Variants in DNMT1 observed in about 807,000 individuals in gnomAD.
DNMT1 encodes the protein DNA methyltransferase 1, also known as DNA (cytosine-5)-methyltransferase 1.
In DNMT1, 24 loss-of-function variants were observed where a neutral mutation model predicts 205.3. The observed-to-expected ratio is 0.12, with a 90% confidence interval of 0.08 to 0.16. DNMT1 has a LOEUF of 0.16. DNMT1 is among the 10% of genes least tolerant of loss of function. DNMT1 has a pLI of 1.00. For synonymous variants in DNMT1, 817 were observed against 839.8 expected, an observed-to-expected ratio of 0.97 and a Z score of 0.47; for missense variants, 1,293 against 2,177.7, an observed-to-expected ratio of 0.59 and a Z score of 8.09.
At position 10,194,918 on chromosome 19, in the gene DNMT1, C is replaced by CGCGGCG. The variant is rs776657243; in HGVS notation, c.-25_-20dup. On this transcript the variant is annotated 5_prime_UTR_variant, in exon 1 of 41. Transcript: ENST00000359526. ...CCGGCATCTCGGAGGCTTCAGCAGACGCGGCGGCGGCAGCGCAGGCGCCCC... is the reference window on the plus strand; with the variant it reads ...CCGGCATCTCGGAGGCTTCAGCAGACGCGGCGGCGGCGGCGGCAGCGCAGGCGCCCC... 1.6e-5 allele frequency: 25 copies of CGCGGCG among 1,599,206 alleles called. No individual in the cohort carries two copies. The East Asian group carries it at 1.8e-4, about 12-fold the overall frequency.
chr19:10,141,654 C>T, intron 30 of DNMT1: 1 of 333,124 alleles, frequency 3.0e-6, no homozygotes, highest in South Asian at 3.1e-5. Context: ...GGCGCCTGGC[C>T]CAAGGGACCC....
Position 10,148,976 on chromosome 19 carries a change from C to G in DNMT1, c.2628G>C (p.Gly876=). ...ACCACAGCTGGTAGAAGTAGGTCTT[C>G]CCGTCGTCCCCCTCCAGCAGGGACT... ...DPESLLEGDD[G]KTYFYQLWYD... The change falls in exon 27 of 41, where the codon GGG becomes GGC. Residue 876 remains glycine (G), a synonymous_variant. Transcript: ENST00000359526. 6.2e-7 allele frequency: 1 copy of G among 1,614,170 alleles called. No individual in the cohort carries two copies. Among genetic ancestry groups the G allele is most frequent in the Non-Finnish European group, 8.5e-7 (1 of 1,180,034 alleles).
At chr19:10,160,239 C>T (rs2038540659) in intron 14 of DNMT1, 145 bp downstream of exon 14, 6 of 1,503,522 alleles carry the variant, frequency 4.0e-6, no homozygotes, top group South Asian at 1.2e-5. Flanking sequence ...TCCTGCCTGA[C>T]GCACCTTGGT....
At position 10,148,970 on chromosome 19, in the gene DNMT1, G is replaced by A. The variant is rs983707467; in HGVS notation, c.2634C>T (p.Thr878=). ...ESLLEGDDGK[T]YFYQLWYDQD... The stretch of plus-strand genomic sequence containing the variant: ...GATCATACCACAGCTGGTAGAAGTA[G>A]GTCTTCCCGTCGTCCCCCTCCAGCA... The change falls in exon 27 of 41, where the codon ACC becomes ACT. Residue 878 remains threonine (T), a synonymous_variant. Coordinates refer to ENST00000359526, the MANE Select transcript of DNMT1 (RefSeq NM_001130823.3). The A allele has an allele frequency of 3.1e-6, 5 of 1,614,134 alleles. No individual in the cohort carries two copies. The highest frequency in any genetic ancestry group is 2.2e-5 in the East Asian group (1 of 44,890).
chr19:10,182,773 G>T (rs1448499608), intron 1 of DNMT1, among the ~76,000 whole-genome samples: 2 of 150,452 alleles, frequency 1.3e-5, no homozygotes, highest in Non-Finnish European at 3.0e-5. Context: ...GGGTTCAAGT[G>T]ATTCTCTCAC....
chr19:10,156,416 G>T lies in DNMT1; in HGVS notation c.1374C>A (p.Ile458=). 1 of 1,612,104 alleles carries T rather than the reference G, an allele frequency of 6.2e-7. No individual in the cohort carries two copies. The highest frequency in any genetic ancestry group is 8.5e-7 in the Non-Finnish European group (1 of 1,178,734). Residue 458 remains isoleucine, a synonymous_variant, in exon 18 of 41, where the codon ATC becomes ATA. Transcript: ENST00000359526. This position sits in a 1 kb window ranked among gnomAD's most constrained non-coding sequence, Gnocchi z 4.2. ...ELFFSGSAKP[I]YDDDPSLEGG... ...CTTCAAGAGATGGGTCATCATCATA[G>T]ATTGGTTTTGCTGAACCAGAAAAGA...
intron 5 of DNMT1, 45 bp downstream of exon 5, chr19:10,180,142 C>A (rs1195437683): frequency 3.1e-6 from 2 of 637,668 alleles, no homozygotes; most frequent in Non-Finnish European, 5.5e-6. Flanking sequence ...GGTAAGACCC[C>A]ATCTCTACTA....
Position 10,134,204 on chromosome 19 carries a change from C to G in DNMT1, c.4864+13G>C, listed in dbSNP as rs1235830661. 13 of 1,614,018 alleles carry G rather than the reference C, an allele frequency of 8.1e-6. No homozygotes were observed. The highest frequency in any genetic ancestry group is 1.0e-5 in the Non-Finnish European group (12 of 1,179,998). ...GTCAGGCCCCAGAGGAAGCCTGGCC[C>G]ACCCCACCATACCTGAGGCACTCTC... On this transcript the variant is annotated intron_variant, in intron 40 of 40. Transcript: ENST00000359526.
At position 10,137,453 on chromosome 19, in the gene DNMT1, T is replaced by A. The variant is rs1258472627; in HGVS notation, c.4294-173A>T. Reference sequence around the variant, plus strand: ...TTGGCTCGAGGCCACGGCAGGGACCTGAGGCAGCGCAGGTGTAGGAGAGCG... The same window carrying A: ...TTGGCTCGAGGCCACGGCAGGGACCAGAGGCAGCGCAGGTGTAGGAGAGCG... On this transcript the variant is annotated intron_variant, in intron 36 of 40. Transcript: ENST00000359526. The surrounding 1 kb of genome is among the most constrained non-coding windows in gnomAD (Gnocchi z 6.4). The A allele has an allele frequency of 6.3e-6, 5 of 787,530 alleles. No homozygotes were observed. The highest frequency in any genetic ancestry group is 4.8e-5 in the Admixed American group (2 of 41,662). 48.8% of individuals were successfully genotyped at this position (787,530 alleles called of 1,614,324 possible).
chr19:10,141,710 GC>G, intron 30 of DNMT1: 1 of 379,630 alleles, frequency 2.6e-6, no homozygotes, highest in East Asian at 5.5e-5. Flanking sequence ...CACCAGTCAG[GC>G]TGGTGGAAGC....
chr19:10,135,092 AT>A (rs2089447468), intron 39 of DNMT1, among the ~76,000 whole-genome samples: 1 of 151,806 alleles, frequency 6.6e-6, no homozygotes, highest in Admixed American at 6.6e-5. Context: ...CATGACTGTA[AT>A]CCCAGCTACT....
chr19:10,177,275 A>G lies in DNMT1; in HGVS notation c.569+17T>C, dbSNP rs1036114273. 16 of 1,613,410 alleles carry G rather than the reference A, an allele frequency of 9.9e-6. No homozygotes were observed. The highest frequency in any genetic ancestry group is 1.4e-5 in the Non-Finnish European group (16 of 1,179,704). On this transcript the variant is annotated intron_variant, in intron 6 of 40. Transcript: ENST00000359526. ...CGGCCCCTAAAAAAGGCAGCCGCCAATTTATCGTATACTGACCCCTTTGCA... is the reference window on the plus strand; with the variant it reads ...CGGCCCCTAAAAAAGGCAGCCGCCAGTTTATCGTATACTGACCCCTTTGCA...
intron 1 of DNMT1, among the ~76,000 whole-genome samples, chr19:10,192,616 T>C (rs1287282401): frequency 6.6e-6 from 1 of 151,180 alleles, no homozygotes; most frequent in East Asian, 2.0e-4. Context: ...AAAAAAGGAA[T>C]AAAAAAGGAA....
chr19:10,143,716 C>G (rs151175082), intron 29 of DNMT1, 50 bp downstream of exon 29: 14 of 1,601,712 alleles, frequency 8.7e-6, no homozygotes, highest in Admixed American at 3.3e-5. Context: ...TCAGGCAGAG[C>G]CTTCTAGAAG....
At chr19:10,162,579 C>T in intron 13 of DNMT1, 88 bp downstream of exon 13, 1 of 1,431,408 alleles carries the variant, frequency 7.0e-7, no homozygotes, top group Non-Finnish European at 9.4e-7. Context: ...CTTCTTTTTC[C>T]TAAGACCAGC....
At chr19:10,176,873 A>T (rs999497238) in intron 6 of DNMT1, among the ~76,000 whole-genome samples, 1 of 152,166 alleles carries the variant, frequency 6.6e-6, no homozygotes, top group African/African-American at 2.4e-5. Context: ...AAAGACTGCT[A>T]AATGTTAGCA....
rs1411782470 is a variant in DNMT1, at chr19:10,143,960, G to T, written c.2922C>A (p.Arg974=). The T allele has an allele frequency of 1.2e-6, 2 of 1,613,982 alleles. No homozygotes were observed. The change falls in exon 29 of 41, where the codon CGC becomes CGA. Residue 974 remains arginine, a synonymous_variant. Coordinates refer to ENST00000359526, the MANE Select transcript of DNMT1 (RefSeq NM_001130823.3). ...CCTCATCCACGGGCTCCTTCCGTGGGCGTTTCACGGGACTGGACAGCTTGA... is the reference window on the plus strand; with the variant it reads ...CCTCATCCACGGGCTCCTTCCGTGGTCGTTTCACGGGACTGGACAGCTTGA... ...FNIKLSSPVK[R]PRKEPVDEDL... is the part of the protein sequence containing the mutation.
Position 10,140,755 on chromosome 19 carries a change from CAG to C in DNMT1, c.3523+24_3523+25del, listed in dbSNP as rs1435809115. On this transcript the variant is annotated intron_variant, in intron 32 of 40. Coordinates refer to ENST00000359526, the MANE Select transcript of DNMT1 (RefSeq NM_001130823.3). This position sits in a 1 kb window ranked among gnomAD's most constrained non-coding sequence, Gnocchi z 8.4. Reference sequence around the variant, plus strand: ...GCCCGGTCTGGGCTCACCAGGTATTCAGAGATGGAGCCTACGGGCGCTCACCT... The same window carrying C: ...GCCCGGTCTGGGCTCACCAGGTATTCAGATGGAGCCTACGGGCGCTCACCT... The C allele has an allele frequency of 2.5e-6, 4 of 1,613,828 alleles. No homozygotes were observed. In the South Asian group the frequency reaches 4.4e-5, roughly 18 times the overall value.
At chr19:10,181,315 T>G (rs1368852366) in intron 2 of DNMT1, among the ~76,000 whole-genome samples, 1 of 152,026 alleles carries the variant, frequency 6.6e-6, no homozygotes, top group Non-Finnish European at 1.5e-5. Context: ...CTGGGCATGG[T>G]GGCTTGAGCC....
Sources: allele counts gnomAD v4.1 joint callset (sites outside exome capture counted in the v4.1 genomes callset), GRCh38; gene constraint gnomAD v4.1.1; non-coding constraint Gnocchi (gnomAD v3.1); transcripts MANE v1.5; gene names NCBI Gene and HGNC (gene_info 2026-07-23, HGNC 2026-07-21).